The following UBL5 variants were observed in gnomAD, a reference collection of about 807,000 sequenced individuals.
The protein encoded by UBL5 is ubiquitin-like protein 5.
Under a neutral mutation model 11.7 loss-of-function variants are expected in UBL5, and 13 were observed. The ratio of observed to expected loss-of-function variants is 1.11; its 90% CI spans 0.73 to 1.77. UBL5 has a LOEUF of 1.77. Ranked by LOEUF, UBL5 falls within the 40% of genes most tolerant of loss-of-function variation. UBL5 has a pLI of 0.00. For synonymous variants in UBL5, 28 were observed against 34.7 expected (o/e 0.81, Z 0.68); for missense variants, 58 against 92.3 (o/e 0.63, Z 1.52).
chr19:9,829,936 G>A, intron 4 of UBL5, 29 bp from the exon 5 acceptor site: 3 of 1,614,096 alleles, frequency 1.9e-6, no homozygotes, highest in Non-Finnish European at 2.5e-6. Context: ...GGAAGTCAGA[G>A]TCAGGATTCC....
chr19:9,829,915 G>A, intron 4 of UBL5, 50 bp from the exon 5 acceptor site: 1 of 1,610,486 alleles, frequency 6.2e-7, no homozygotes, highest in Non-Finnish European at 8.5e-7. Flanking sequence ...ATGGATGAGA[G>A]GGGTGGGGAC....
At chr19:9,828,187 G>C in intron 1 of UBL5, 140 bp from the exon 2 acceptor site, 1 of 793,432 alleles carries the variant, frequency 1.3e-6, no homozygotes, top group Non-Finnish European at 2.1e-6. Context: ...AGTCCGGGGG[G>C]TTGGGGGCAG....
intron 4 of UBL5, chr19:9,829,088 C>T (rs2145399338): frequency 1.7e-6 from 1 of 605,452 alleles, no homozygotes; most frequent in Non-Finnish European, 2.9e-6. Context: ...ATATTTATTA[C>T]TGACCTCCAC....
At position 9,828,960 on chromosome 19, in the gene UBL5, C is replaced by T. The variant is rs537655160; in HGVS notation, c.178+86C>T. 281 of 1,322,484 alleles carry T rather than the reference C, an allele frequency of 2.1e-4. 2 individuals are homozygous for T. In the South Asian group the frequency reaches 3.1e-3, roughly 15 times the overall value. The allele number at this position is 1,322,484 out of a possible 1,614,324, so 81.9% of individuals were successfully genotyped here. A position where few individuals can be genotyped will look rare whatever the true frequency, so the allele number is the denominator to read the frequency against. On this transcript the variant is annotated intron_variant, in intron 4 of 4. Transcript: ENST00000586895. ...AAACTAAAGTCTGCATGAGCTTATG[C>T]ATATTAAGTGTTTAACTTAATACGT...
Position 9,828,311 on chromosome 19 carries a change from C to G in UBL5, c.-11-16C>G. On this transcript the variant is annotated splice_polypyrimidine_tract_variant and intron_variant, in intron 1 of 4. Coordinates refer to ENST00000586895, the MANE Select transcript of UBL5 (RefSeq NM_001048241.3). ...TCTGACTTTGCTGCCTCCCACCCAC[C>G]CCCCGCTTTGTGTAGCTCCAGCTAG... 1 of 1,605,388 alleles carries G rather than the reference C, an allele frequency of 6.2e-7. No homozygotes were observed.
At chr19:9,829,220 G>C (rs543655728) in intron 4 of UBL5, 24 of 236,166 alleles carry the variant, frequency 1.0e-4, no homozygotes, top group African/African-American at 5.4e-4. Flanking sequence ...GTCTGGCTCT[G>C]TCGCCCAGGC....
intron 3 of UBL5, 80 bp from the exon 4 acceptor site, chr19:9,828,757 G>A: frequency 6.2e-7 from 1 of 1,610,704 alleles, no homozygotes; most frequent in African/African-American, 1.3e-5. Context: ...GCAGCCCTTT[G>A]CTTAGGCTTG....
chr19:9,829,895 C>G, intron 4 of UBL5, 70 bp from the exon 5 acceptor site: 1 of 1,592,676 alleles, frequency 6.3e-7, no homozygotes, highest in Non-Finnish European at 8.6e-7. Flanking sequence ...GCCACCTGAC[C>G]CGGCTGTGAA....
rs199878017 is a variant in UBL5 at position 9,828,379 on chromosome 19, C to A, written c.42C>A (p.Val14=). Residue 14 remains valine (V), a synonymous_variant, in exon 2 of 5, where the codon GTC becomes GTA. Coordinates refer to ENST00000586895, the MANE Select transcript of UBL5 (RefSeq NM_001048241.3). ...GCAACGACCGTCTGGGGAAGAAGGT[C>A]CGCGTTAAATGCAAGTATCCACTGG... is the stretch of plus-strand genomic sequence containing the variant. ...VVCNDRLGKK[V]RVKCNTDDTI... 12 of 1,613,122 alleles carry A rather than the reference C, an allele frequency of 7.4e-6. No homozygotes were observed. In the East Asian group the frequency reaches 2.7e-4, roughly 36 times the overall value.
intron 4 of UBL5, 120 bp downstream of exon 4, chr19:9,828,994 G>T: frequency 1.0e-6 from 1 of 965,636 alleles, no homozygotes; most frequent in South Asian, 1.3e-5. Context: ...GTGGCACATG[G>T]TGAGCACTTA....
intron 4 of UBL5, 99 bp from the exon 5 acceptor site, chr19:9,829,866 C>A (rs1482921863): frequency 7.1e-7 from 1 of 1,403,300 alleles, no homozygotes; most frequent in Non-Finnish European, 1.0e-6. Context: ...GCTTCCTTAG[C>A]CCTGGGCTGA....
intron 4 of UBL5, chr19:9,829,698 T>C (rs1428629075): frequency 9.5e-6 from 4 of 419,240 alleles, no homozygotes; most frequent in Non-Finnish European, 1.7e-5. Flanking sequence ...GGTTTCATCG[T>C]GTTGGCCAGG....
In UBL5 at chr19:9,829,976, G is replaced by C. The variant is rs765166469; in HGVS notation, c.190G>C (p.Asp64His). ...CACCTTTCCTTCAGATGAAATCCAC[G>C]ATGGGATGAACCTGGAGCTTTATTA... ...HVSLGDYEIH[D>H]GMNLELYYQ Residue 64 changes from aspartate to histidine, a missense_variant, in exon 5 of 5, where the codon GAT becomes CAT. Coordinates refer to ENST00000586895, the MANE Select transcript of UBL5 (RefSeq NM_001048241.3). 6.2e-7 allele frequency: 1 copy of C among 1,614,098 alleles called. No homozygotes were observed. The highest frequency in any genetic ancestry group is 8.5e-7 in the Non-Finnish European group (1 of 1,179,990).
intron 1 of UBL5, 149 bp downstream of exon 1, chr19:9,828,133 G>A (rs1263977408): frequency 1.1e-5 from 7 of 610,232 alleles, no homozygotes; most frequent in South Asian, 2.0e-5. Context: ...GCTCCCCGGG[G>A]TTCGCGGCCC....
In UBL5 at chr19:9,829,926, G is replaced by T. The variant is rs7259897; in HGVS notation, c.179-39G>T. On this transcript the variant is annotated intron_variant, in intron 4 of 4. Transcript: ENST00000586895. Reference sequence around the variant, plus strand: ...GTGAATGGATGAGAGGGGTGGGGACGGAAGTCAGAGTCAGGATTCCTTAAC... The same window carrying T: ...GTGAATGGATGAGAGGGGTGGGGACTGAAGTCAGAGTCAGGATTCCTTAAC... 274 of 1,613,344 alleles carry T rather than the reference G, an allele frequency of 1.7e-4. 4 individuals carry two copies. The African/African-American group carries it at 1.9e-3, about 11-fold the overall frequency.
chr19:9,829,709 C>T, intron 4 of UBL5: 1 of 455,594 alleles, frequency 2.2e-6, no homozygotes, highest in African/African-American at 2.0e-5. Flanking sequence ...GTTGGCCAGG[C>T]TGGTCTCAAA....
chr19:9,829,096 C>A, intron 4 of UBL5: 1 of 599,060 alleles, frequency 1.7e-6, no homozygotes, highest in Non-Finnish European at 3.0e-6. Context: ...TACTGACCTC[C>A]ACCTGAGTGC....
chr19:9,828,882 TTGTG>T lies in UBL5; in HGVS notation c.178+11_178+14del. ...ACGTGTCTCTGGGGGACTGTATCCTTTGTGTGACTTTTTGAGGAAGCATCTACAT... is the reference window on the plus strand; with the variant it reads ...ACGTGTCTCTGGGGGACTGTATCCTTTGACTTTTTGAGGAAGCATCTACAT... On this transcript the variant is annotated intron_variant, in intron 4 of 4. Transcript: ENST00000586895. 6.2e-7 allele frequency: 1 copy of T among 1,614,136 alleles called. No individual in the cohort carries two copies. The highest frequency in any genetic ancestry group is 8.5e-7 in the Non-Finnish European group (1 of 1,179,958).
chr19:9,828,188 T>G lies in UBL5; in HGVS notation c.-11-139T>G. 1.3e-6 allele frequency: 1 copy of G among 781,802 alleles called. No homozygotes were observed. Among genetic ancestry groups the G allele is most frequent in the Non-Finnish European group, 2.1e-6 (1 of 471,868 alleles). 48.4% of individuals were successfully genotyped at this position (781,802 alleles called of 1,614,324 possible). On this transcript the variant is annotated intron_variant, in intron 1 of 4. Transcript: ENST00000586895. ...CCTGGGAGTATTCGAGTCCGGGGGG[T>G]TGGGGGCAGAACGGAAGGCTCAGTA...
Sources: allele counts gnomAD v4.1 joint callset, GRCh38; gene constraint gnomAD v4.1.1; transcripts MANE v1.5; gene names NCBI Gene and HGNC (gene_info 2026-07-23, HGNC 2026-07-21).